DR1: variants seen among roughly 807,000 people sequenced by gnomAD.
DR1 encodes down-regulator of transcription 1.
DR1 carries 7 observed loss-of-function variants against 19.9 expected under a neutral mutation model. The observed-to-expected ratio is 0.35, with a 90% confidence interval of 0.20 to 0.66. The LOEUF is 0.66. DR1 is among the 30% of genes least tolerant of loss of function. DR1 has a pLI of 0.66. For synonymous variants in DR1, 76 were observed against 72.5 expected (o/e 1.05, Z -0.24); for missense variants, 98 against 203.7 (o/e 0.48, Z 3.16).
intron 2 of DR1, among the ~76,000 whole-genome samples, chr1:93,354,274 C>G (rs1666952087): frequency 6.6e-6 from 1 of 152,040 alleles, no homozygotes; most frequent in Non-Finnish European, 1.5e-5. Context: ...GAGAACAACT[C>G]CAAATACCTA....
intron 2 of DR1, among the ~76,000 whole-genome samples, chr1:93,358,239 C>G (rs1236689443): frequency 1.3e-5 from 2 of 152,162 alleles, no homozygotes; most frequent in Non-Finnish European, 2.9e-5. Flanking sequence ...ACCCACCTTT[C>G]TATGCTCTGC....
chr1:93,359,980 G>A (rs989304073), intron 2 of DR1, among the ~76,000 whole-genome samples: 3 of 151,944 alleles, frequency 2.0e-5, no homozygotes, highest in African/African-American at 7.3e-5. Context: ...GAAATAATGG[G>A]GTAGCTACTG....
At chr1:93,354,716 C>T (rs1666957440) in intron 2 of DR1, among the ~76,000 whole-genome samples, 1 of 152,082 alleles carries the variant, frequency 6.6e-6, no homozygotes, top group Non-Finnish European at 1.5e-5. Flanking sequence ...AGAAGAGAAG[C>T]CGTAGTAACC....
intron 1 of DR1, among the ~76,000 whole-genome samples, chr1:93,349,023 T>G (rs1179451473): frequency 6.6e-6 from 1 of 152,110 alleles, no homozygotes; most frequent in African/African-American, 2.4e-5. Context: ...GAATGTAGAA[T>G]ATATCCAAAT....
At chr1:93,352,388 T>G (rs547922778) in intron 1 of DR1, among the ~76,000 whole-genome samples, 1 of 152,184 alleles carries the variant, frequency 6.6e-6, no homozygotes, top group Non-Finnish European at 1.5e-5. Flanking sequence ...GAATTTGATA[T>G]ACAGAACTTA....
chr1:93,348,007 T>C (rs1334008923), intron 1 of DR1, among the ~76,000 whole-genome samples: 1 of 152,124 alleles, frequency 6.6e-6, no homozygotes, highest in Non-Finnish European at 1.5e-5. Context: ...GACTTTCCTG[T>C]TGTACTGAAG....
chr1:93,366,634 A>G lies in DR1; in HGVS notation c.*5995A>G, dbSNP rs1355212328. 3 of 152,234 alleles carry G rather than the reference A, an allele frequency of 2.0e-5. No individual in the cohort carries two copies. Among genetic ancestry groups the G allele is most frequent in the African/African-American group, 7.2e-5 (3 of 41,456 alleles). 9.4% of individuals were successfully genotyped at this position (152,234 alleles called of 1,614,324 possible). On this transcript the variant is annotated 3_prime_UTR_variant, in exon 3 of 3. Coordinates refer to ENST00000370272, the MANE Select transcript of DR1 (RefSeq NM_001938.3). ...TTACAAAAACACTACCAAATTTCTA[A>G]TAAAGACCCAAAACACTTCTAAAAT...
rs1667094920 is a variant in DR1 at position 93,364,587 on chromosome 1, A to G, written c.*3948A>G. The G allele has an allele frequency of 1.3e-5, 2 of 152,064 alleles. No individual in the cohort carries two copies. The highest frequency in any genetic ancestry group is 1.9e-4 in the East Asian group (1 of 5,188). 9.4% of individuals were successfully genotyped at this position (152,064 alleles called of 1,614,324 possible). ...TTCTTTTTTGCCTCTGTCCCCAACA[A>G]TTTGACCACAAGTCCTACCCCACCT... is the stretch of plus-strand genomic sequence containing the variant. On this transcript the variant is annotated 3_prime_UTR_variant, in exon 3 of 3. Transcript: ENST00000370272.
Position 93,362,826 on chromosome 1 carries a change from C to CTTTTTT in DR1, c.*2210_*2215dup, listed in dbSNP as rs55792701. 4.5e-3 allele frequency: 240 copies of CTTTTTT among 52,834 alleles called. No homozygotes were observed. The highest frequency in any genetic ancestry group is 5.6e-3 in the African/African-American group (71 of 12,642). The allele number at this position is 52,834 out of a possible 1,614,324, so 3.3% of individuals were successfully genotyped here. A position where few individuals can be genotyped will look rare whatever the true frequency, so the allele number is the denominator to read the frequency against. ...GCAATATTTTATTTTTAGGTTTTTT[C>CTTTTTT]TTTTTTTTTTTTTTTTTTTTTTTTT... is the stretch of plus-strand genomic sequence containing the variant. On this transcript the variant is annotated 3_prime_UTR_variant, in exon 3 of 3. Transcript: ENST00000370272.
At chr1:93,355,837 G>C (rs1165468942) in intron 2 of DR1, 2 of 152,164 alleles carry the variant, frequency 1.3e-5, no homozygotes, top group Non-Finnish European at 2.9e-5. Context: ...AAATATGAAA[G>C]AGTGGATAAG....
At position 93,366,553 on chromosome 1, in the gene DR1, T is replaced by A. The variant is rs1389820609; in HGVS notation, c.*5914T>A. 6.6e-6 allele frequency: 1 copy of A among 152,216 alleles called. No homozygotes were observed. Among genetic ancestry groups the A allele is most frequent in the Non-Finnish European group, 1.5e-5 (1 of 68,038 alleles). The allele number at this position is 152,216 out of a possible 1,614,324, so 9.4% of individuals were successfully genotyped here. The stretch of plus-strand genomic sequence containing the variant: ...AAACAACATATAATGAAATCAATTT[T>A]ACCATAGGTGAACTGATATAAATAA... On this transcript the variant is annotated 3_prime_UTR_variant, in exon 3 of 3. Coordinates refer to ENST00000370272, the MANE Select transcript of DR1 (RefSeq NM_001938.3).
At chr1:93,356,329 A>G (rs1054428980) in intron 2 of DR1, among the ~76,000 whole-genome samples, 5 of 151,816 alleles carry the variant, frequency 3.3e-5, no homozygotes, top group African/African-American at 9.7e-5. Context: ...TCAGCCTAGA[A>G]CTCCTGGGCT....
rs957782128 is a variant in DR1, at chr1:93,346,443, C to T, written c.-203C>T. 4 of 586,594 alleles carry T rather than the reference C, an allele frequency of 6.8e-6. No individual in the cohort carries two copies. The highest frequency in any genetic ancestry group is 9.1e-6 in the Non-Finnish European group (3 of 329,818). The allele number at this position is 586,594 out of a possible 1,614,324, so 36.3% of individuals were successfully genotyped here. ...AGAATCCTCGGGCCCCCACTTTCTT[C>T]CCAAACTCATCCTAAATCTCTCACA... On this transcript the variant is annotated 5_prime_UTR_variant, in exon 1 of 3. Coordinates refer to ENST00000370272, the MANE Select transcript of DR1 (RefSeq NM_001938.3).
chr1:93,366,616 AAC>A lies in DR1; in HGVS notation c.*5980_*5981del, dbSNP rs1667133860. On this transcript the variant is annotated 3_prime_UTR_variant, in exon 3 of 3. Transcript: ENST00000370272. The stretch of plus-strand genomic sequence containing the variant: ...TATGGCATATATTTCTGGTTACAAA[AAC>A]ACTACCAAATTTCTAATAAAGACCC... The A allele has an allele frequency of 6.6e-6, 1 of 152,344 alleles. No individual in the cohort carries two copies. The highest frequency in any genetic ancestry group is 2.4e-5 in the African/African-American group (1 of 41,576). The allele number at this position is 152,344 out of a possible 1,614,324, so 9.4% of individuals were successfully genotyped here.
intron 1 of DR1, 110 bp from the exon 2 acceptor site, chr1:93,353,798 C>G (rs1666945607): frequency 1.2e-6 from 1 of 819,830 alleles, no homozygotes; most frequent in African/African-American, 1.8e-5. Flanking sequence ...TAGAAAACAG[C>G]AAAACATTCC....
chr1:93,354,174 A>G (rs186120849), intron 2 of DR1, 103 bp downstream of exon 2: 8 of 1,172,442 alleles, frequency 6.8e-6, no homozygotes, highest in Non-Finnish European at 9.5e-6. Context: ...CCCTTTTTCT[A>G]GGTAGTTGAT....
At position 93,361,743 on chromosome 1, in the gene DR1, T is replaced by C. The variant is rs17131741; in HGVS notation, c.*1104T>C. The C allele has an allele frequency of 0.11, 16,239 of 152,502 alleles. 938 individuals are homozygous for C. The highest frequency in any genetic ancestry group is 0.14 in the African/African-American group (5,834 of 41,518). The allele number at this position is 152,502 out of a possible 1,614,324, so 9.4% of individuals were successfully genotyped here. A position where few individuals can be genotyped will look rare whatever the true frequency, so the allele number is the denominator to read the frequency against. On this transcript the variant is annotated 3_prime_UTR_variant, in exon 3 of 3. Transcript: ENST00000370272. ...AAGATTAGTTTTGCTTAAGAAGTTA[T>C]GTTACAACTGATCAGCCCTATATGA...
intron 2 of DR1, 123 bp from the exon 3 acceptor site, chr1:93,360,370 C>A: frequency 2.3e-6 from 2 of 862,588 alleles, no homozygotes; most frequent in Non-Finnish European, 3.4e-6. Context: ...TTACATAGTA[C>A]TTGGACAGTA....
chr1:93,359,423 G>C (rs2101639672), intron 2 of DR1, among the ~76,000 whole-genome samples: 1 of 152,312 alleles, frequency 6.6e-6, no homozygotes, highest in South Asian at 2.1e-4. Context: ...GAACAAAGTG[G>C]ATGGATATGG....
Sources: allele counts gnomAD v4.1 joint callset (sites outside exome capture counted in the v4.1 genomes callset), GRCh38; gene constraint gnomAD v4.1.1; transcripts MANE v1.5; gene names NCBI Gene and HGNC (gene_info 2026-07-23, HGNC 2026-07-21).